The following ENOSF1 variants were observed in gnomAD, a reference collection of about 807,000 sequenced individuals.
ENOSF1 encodes the protein mitochondrial enolase superfamily member 1.
A neutral mutation model predicts 68.2 loss-of-function variants in ENOSF1; 73 were observed. That is an observed-to-expected ratio of 1.07 (90% CI 0.89 to 1.30). The LOEUF is 1.30. Ranked by LOEUF, ENOSF1 falls within the 50% of genes most tolerant of loss-of-function variation. The probability of loss-of-function intolerance (pLI) is 0.00; values close to 1 mark genes in which losing one functional copy is unlikely to be tolerated. For missense variants in ENOSF1, 589 were observed against 554.5 expected, an observed-to-expected ratio of 1.06 and a Z score of -0.62; for synonymous variants, 223 against 210.4, an observed-to-expected ratio of 1.06 and a Z score of -0.52.
At chr18:668,946 A>C (rs1285775816), downstream of ENOSF1, 1 of 674,466 alleles carries the variant, frequency 1.5e-6, no homozygotes, top group African/African-American at 1.8e-5. Flanking sequence ...GATGCACCAG[A>C]TGTCTTGTAG....
chr18:666,981 A>T (rs2847610), downstream of ENOSF1, among the ~76,000 whole-genome samples: 1,423 of 7,374 alleles, frequency 0.19, 104 homozygotes, highest in Admixed American at 0.23. Flanking sequence ...ATGGAGATGG[A>T]GATGGTGATG....
At chr18:674,442 C>T (rs2075265707) in intron 15 of ENOSF1, 36 bp from the exon 16 acceptor site, 3 of 1,311,134 alleles carry the variant, frequency 2.3e-6, no homozygotes, top group Non-Finnish European at 3.3e-6. Context: ...CTGTTAACAA[C>T]CACCTGGAAC....
At chr18:678,357 AGT>A (rs1270844923) in intron 12 of ENOSF1, 3 of 383,922 alleles carry the variant, frequency 7.8e-6, no homozygotes, top group African/African-American at 4.1e-5. Context: ...AAGCTCAAAA[AGT>A]GAACGCAGTC....
Position 673,002 on chromosome 18 carries a change from C to T in ENOSF1, c.*1303G>A. The T allele has an allele frequency of 6.4e-7, 1 of 1,553,380 alleles. No individual in the cohort carries two copies. The highest frequency in any genetic ancestry group is 2.3e-5 in the East Asian group (1 of 43,892). ...AAAATGGAAATGGCTGTTTAGGGTG[C>T]TTTCAAAGGAGCTCGAAGGATATTG... On this transcript the variant is annotated 3_prime_UTR_variant, in exon 16 of 16. Transcript: ENST00000647584.
At chr18:699,151 T>C (rs1448657469) in intron 2 of ENOSF1, among the ~76,000 whole-genome samples, 1 of 152,104 alleles carries the variant, frequency 6.6e-6, no homozygotes, top group Non-Finnish European at 1.5e-5. Context: ...TGAGCCACCA[T>C]GTCCTGTGGT....
At chr18:702,417 A>G (rs1407987026) in intron 2 of ENOSF1, among the ~76,000 whole-genome samples, 1 of 151,876 alleles carries the variant, frequency 6.6e-6, no homozygotes, top group Non-Finnish European at 1.5e-5. Context: ...TCTCCTAAAA[A>G]TACAAAAATT....
At chr18:710,330 G>A (rs1395667017) in intron 1 of ENOSF1, among the ~76,000 whole-genome samples, 1 of 152,042 alleles carries the variant, frequency 6.6e-6, no homozygotes, top group East Asian at 1.9e-4. Flanking sequence ...GGCTGGTCTC[G>A]AACTCCTGGG....
intron 2 of ENOSF1, among the ~76,000 whole-genome samples, chr18:700,676 G>A (rs886788746): frequency 1.3e-5 from 2 of 152,028 alleles, no homozygotes; most frequent in African/African-American, 4.8e-5. Context: ...CCTGAGGTCA[G>A]GAGTATGAGA....
chr18:684,754 C>T (rs2076455947), intron 10 of ENOSF1, among the ~76,000 whole-genome samples: 1 of 152,098 alleles, frequency 6.6e-6, no homozygotes, highest in Non-Finnish European at 1.5e-5. Flanking sequence ...AGCCCCTCAT[C>T]CCTGATCTTA....
chr18:699,567 C>T (rs914579381), intron 2 of ENOSF1, among the ~76,000 whole-genome samples: 1 of 152,018 alleles, frequency 6.6e-6, no homozygotes, highest in Non-Finnish European at 1.5e-5. Context: ...TGATCCTTTG[C>T]CAATTCTAGG....
Position 691,545 on chromosome 18 carries a change from C to G in ENOSF1, c.424-269G>C, listed in dbSNP as rs539718321. The G allele has an allele frequency of 1.8e-5, 6 of 338,384 alleles. No individual in the cohort carries two copies. In the South Asian group the frequency reaches 2.5e-4, roughly 14 times the overall value. The allele number at this position is 338,384 out of a possible 1,614,324, so 21.0% of individuals were successfully genotyped here. On this transcript the variant is annotated intron_variant, in intron 5 of 15. Transcript: ENST00000647584. ...TTATTTTTGTAGAGATGGGGTCTCA[C>G]TATGTTGACCAGGTTGATCTTGAGC...
intron 2 of ENOSF1, among the ~76,000 whole-genome samples, chr18:701,410 T>G (rs2078325586): frequency 6.6e-6 from 1 of 151,482 alleles, no homozygotes; most frequent in South Asian, 2.1e-4. Flanking sequence ...CTTTGTAACT[T>G]CCATTCAGTT....
In ENOSF1 at chr18:671,465, G is replaced by A. The variant is rs2075046795; in HGVS notation, c.*2840C>T. The A allele has an allele frequency of 4.4e-6, 7 of 1,586,196 alleles. No individual in the cohort carries two copies. The highest frequency in any genetic ancestry group is 4.0e-5 in the African/African-American group (3 of 74,244). Reference sequence around the variant, plus strand: ...CTGAAAATTCAGGTAAGAATTAGATGTTATACTTTTGGGTTTGGTACCTTC... The same window carrying A: ...CTGAAAATTCAGGTAAGAATTAGATATTATACTTTTGGGTTTGGTACCTTC... On this transcript the variant is annotated 3_prime_UTR_variant, in exon 16 of 16. Transcript: ENST00000647584.
chr18:677,253 G>C, intron 14 of ENOSF1, 92 bp downstream of exon 14: 1 of 1,044,208 alleles, frequency 9.6e-7, no homozygotes, highest in East Asian at 2.4e-5. Context: ...CAAGGTCTTA[G>C]TGTGTTCTGG....
intron 14 of ENOSF1, 54 bp from the exon 15 acceptor site, chr18:675,456 G>T: frequency 6.8e-7 from 1 of 1,473,432 alleles, no homozygotes; most frequent in Non-Finnish European, 9.4e-7. Flanking sequence ...GATTATTCAC[G>T]TGGTGCTAAC....
chr18:682,260 C>T (rs552753583), intron 11 of ENOSF1, among the ~76,000 whole-genome samples: 153 of 152,216 alleles, frequency 1.0e-3, no homozygotes, highest in African/African-American at 3.4e-3. Context: ...GACTACTACA[C>T]GCCCTAGGCT....
intron 2 of ENOSF1, among the ~76,000 whole-genome samples, chr18:703,160 T>C (rs1032872954): frequency 6.6e-6 from 1 of 152,006 alleles, no homozygotes; most frequent in African/African-American, 2.4e-5. Context: ...ATTAAAGTCA[T>C]GGAGAGATGG....
At position 671,399 on chromosome 18, in the gene ENOSF1, C is replaced by G; in HGVS notation, c.*2906G>C. On this transcript the variant is annotated 3_prime_UTR_variant, in exon 16 of 16. Coordinates refer to ENST00000647584, the MANE Select transcript of ENOSF1 (RefSeq NM_017512.7). The stretch of plus-strand genomic sequence containing the variant: ...TTATAGCCAGGTGACTTTATACACA[C>G]TTTGGGAGATGCACATATTTACCTG... The G allele has an allele frequency of 6.2e-7, 1 of 1,612,568 alleles. No homozygotes were observed. Among genetic ancestry groups the G allele is most frequent in the Non-Finnish European group, 8.5e-7 (1 of 1,178,734 alleles).
downstream of ENOSF1, among the ~76,000 whole-genome samples, chr18:668,734 G>A (rs1411299516): frequency 2.0e-5 from 3 of 152,212 alleles, no homozygotes; most frequent in Non-Finnish European, 2.9e-5. Context: ...CTAAGTTTGC[G>A]AGGAGCACTG....
Sources: gnomAD v4.1 joint callset for allele counts (sites outside exome capture counted in the v4.1 genomes callset) on GRCh38, gnomAD v4.1.1 for gene constraint, MANE v1.5 for transcripts, NCBI Gene and HGNC (gene_info 2026-07-23, HGNC 2026-07-21) for gene names.